The following ANXA11 variants were observed in gnomAD, a reference collection of about 807,000 sequenced individuals.
The protein encoded by ANXA11 is annexin A11, also known as 56 kDa autoantigen.
In ANXA11, 57 loss-of-function variants were observed where a neutral mutation model predicts 64.7. The observed-to-expected ratio is 0.88, with a 90% CI of 0.71 to 1.10. The LOEUF is 1.10. Among genes scored for constraint, ANXA11 ranks in the 50% least tolerant of loss-of-function variants. The probability of loss-of-function intolerance (pLI) is 0.00; values close to 1 mark genes in which losing one functional copy is unlikely to be tolerated. For synonymous variants in ANXA11, 260 were observed against 265.2 expected (o/e 0.98, Z 0.19); for missense variants, 675 against 670.7 (o/e 1.01, Z -0.07).
intron 11 of ANXA11, among the ~76,000 whole-genome samples, chr10:80,162,747 C>T (rs531637008): frequency 6.6e-6 from 1 of 152,314 alleles, no homozygotes; most frequent in East Asian, 1.9e-4. Flanking sequence ...ATGACAAGAG[C>T]AGTGAAGGGA....
chr10:80,159,071 C>T, intron 13 of ANXA11, 29 bp downstream of exon 13: 2 of 1,565,652 alleles, frequency 1.3e-6, no homozygotes, highest in South Asian at 1.1e-5. Context: ...TAGCCCCTGG[C>T]AGGTGGGCGG....
intron 2 of ANXA11, among the ~76,000 whole-genome samples, chr10:80,174,920 G>A (rs945812026): frequency 2.0e-5 from 3 of 152,332 alleles, no homozygotes; most frequent in African/African-American, 7.2e-5. Flanking sequence ...CATAGGGTGG[G>A]CCTGGTTTTC....
intron 8 of ANXA11, 28 bp downstream of exon 8, chr10:80,166,056 A>ATG (rs1845719770): frequency 2.5e-6 from 3 of 1,208,356 alleles, no homozygotes; most frequent in African/African-American, 1.5e-5. Flanking sequence ...ACACACACAC[A>ATG]CACACACACA....
chr10:80,183,140 C>A (rs1364807359), intron 1 of ANXA11, among the ~76,000 whole-genome samples: 1 of 152,226 alleles, frequency 6.6e-6, no homozygotes, highest in Non-Finnish European at 1.5e-5. Flanking sequence ...AGTGGCTAGG[C>A]ACTCGTCCCA....
At chr10:80,196,604 G>A (rs1421558326) in intron 1 of ANXA11, among the ~76,000 whole-genome samples, 2 of 152,166 alleles carry the variant, frequency 1.3e-5, no homozygotes, top group Non-Finnish European at 2.9e-5. Flanking sequence ...TGAGAAGGGG[G>A]TGGGGGCCCT....
intron 1 of ANXA11, among the ~76,000 whole-genome samples, chr10:80,182,138 T>C (rs1432508807): frequency 6.6e-6 from 1 of 150,990 alleles, no homozygotes; most frequent in African/African-American, 2.4e-5. Flanking sequence ...GAGGAAAGAA[T>C]GAATAGGTGG....
At chr10:80,204,963 G>C (rs953955260) in intron 1 of ANXA11, 6 of 152,312 alleles carry the variant, frequency 3.9e-5, no homozygotes, top group African/African-American at 1.4e-4. Context: ...GGGCTCCGCA[G>C]GGCTGCGGGG....
rs1840631694 is a variant in ANXA11 at position 80,205,383 on chromosome 10, G to C, written c.-98C>G. On this transcript the variant is annotated 5_prime_UTR_variant, in exon 1 of 16. Transcript: ENST00000422982. The stretch of plus-strand genomic sequence containing the variant: ...CCGGACGCGAGGGGCGAAATGGGAC[G>C]TGGGCGGGAGTGGCTCTCTCCGCGG... The C allele has an allele frequency of 6.6e-6, 1 of 152,024 alleles. No individual in the cohort carries two copies. The highest frequency in any genetic ancestry group is 1.5e-5 in the Non-Finnish European group (1 of 68,080). The allele number at this position is 152,024 out of a possible 1,614,324, so 9.4% of individuals were successfully genotyped here. A position where few individuals can be genotyped will look rare whatever the true frequency, so the allele number is the denominator to read the frequency against.
At position 80,190,509 on chromosome 10, in the gene ANXA11, G is replaced by A. The variant is rs61860048; in HGVS notation, c.-57-14354C>T. On this transcript the variant is annotated intron_variant, in intron 1 of 15. Transcript: ENST00000422982. ...ATTTTTTTTTTTTTTTTTTTGAGAC[G>A]GAGTCTCGCTCTTTTGCCCAGGCCG... is the stretch of plus-strand genomic sequence containing the variant. Among the ~76,000 whole-genome samples the A allele has an allele frequency of 3.8e-3, 461 of 122,400 alleles. 2 individuals are homozygous for A. The highest frequency in any genetic ancestry group is 6.0e-3 in the Non-Finnish European group (373 of 62,076). 80.3% of individuals were successfully genotyped at this position (122,400 alleles called of 152,430 possible). A position where few individuals can be genotyped will look rare whatever the true frequency, so the allele number is the denominator to read the frequency against.
intron 1 of ANXA11, chr10:80,204,872 G>C (rs1319354553): frequency 1.3e-5 from 2 of 152,254 alleles, no homozygotes; most frequent in Non-Finnish European, 2.9e-5. Context: ...CGTGCTCCCA[G>C]TTTCGGAGGA....
rs533241335 is a variant in ANXA11, at chr10:80,161,397, T to C, written c.1180+538A>G. ...CTCCCTACCTGTTTCCAGCTTGATTTTCCTCTACAGGATTTCCCATCTGAT... is the reference window on the plus strand; with the variant it reads ...CTCCCTACCTGTTTCCAGCTTGATTCTCCTCTACAGGATTTCCCATCTGAT... On this transcript the variant is annotated intron_variant, in intron 12 of 15. Coordinates refer to ENST00000422982, the MANE Select transcript of ANXA11 (RefSeq NM_145868.2). Among the ~76,000 whole-genome samples the C allele has an allele frequency of 1.9e-3, 289 of 152,336 alleles. 1 individual carries two copies. The highest frequency in any genetic ancestry group is 6.6e-3 in the African/African-American group (275 of 41,588).
chr10:80,188,072 C>G (rs1818482392), intron 1 of ANXA11, among the ~76,000 whole-genome samples: 1 of 152,116 alleles, frequency 6.6e-6, no homozygotes, highest in South Asian at 2.1e-4. Flanking sequence ...GCCTCACTGA[C>G]ATTGGCTTTC....
In ANXA11 at chr10:80,166,995, A is replaced by G; in HGVS notation, c.650-11T>C. The G allele has an allele frequency of 6.4e-7, 1 of 1,556,716 alleles. No homozygotes were observed. Among genetic ancestry groups the G allele is most frequent in the Non-Finnish European group, 8.8e-7 (1 of 1,139,434 alleles). On this transcript the variant is annotated splice_polypyrimidine_tract_variant and intron_variant, in intron 6 of 15. Transcript: ENST00000422982. ...CCTGCTCATCCGTCCCTGGAGGAAGAGGCAGCAGGGGTGGGTCGGGTAGGG... is the reference window on the plus strand; with the variant it reads ...CCTGCTCATCCGTCCCTGGAGGAAGGGGCAGCAGGGGTGGGTCGGGTAGGG...
At chr10:80,196,677 G>A (rs865861108) in intron 1 of ANXA11, among the ~76,000 whole-genome samples, 35 of 152,158 alleles carry the variant, frequency 2.3e-4, no homozygotes, top group African/African-American at 7.2e-4. Context: ...TTAAGTCACC[G>A]AAGCCAGCCA....
intron 6 of ANXA11, 72 bp from the exon 7 acceptor site, chr10:80,167,056 C>T: frequency 2.9e-6 from 4 of 1,368,924 alleles, no homozygotes; most frequent in Non-Finnish European, 4.1e-6. Context: ...CTTCCCTGGC[C>T]TGGGCCCCTC....
intron 4 of ANXA11, among the ~76,000 whole-genome samples, chr10:80,169,939 G>A (rs1195057408): frequency 1.3e-5 from 2 of 151,994 alleles, no homozygotes; most frequent in African/African-American, 4.8e-5. Context: ...TCAGGGCACC[G>A]GCATTCCCTA....
intron 2 of ANXA11, among the ~76,000 whole-genome samples, chr10:80,173,497 G>A (rs1444573895): frequency 6.6e-6 from 1 of 152,240 alleles, no homozygotes; most frequent in Non-Finnish European, 1.5e-5. Context: ...AGTAGAGGCT[G>A]CTGATTAAGA....
intron 14 of ANXA11, 61 bp from the exon 15 acceptor site, chr10:80,157,824 G>C: frequency 6.3e-7 from 1 of 1,595,296 alleles, no homozygotes; most frequent in Non-Finnish European, 8.6e-7. Context: ...ACCTGCCCTG[G>C]GCCCTCCAGT....
At chr10:80,200,033 G>A (rs559651612) in intron 1 of ANXA11, among the ~76,000 whole-genome samples, 9 of 152,368 alleles carry the variant, frequency 5.9e-5, no homozygotes, top group African/African-American at 2.2e-4. Flanking sequence ...GAGAGGCAGA[G>A]CAGTCCGCTT....
Sources: allele counts gnomAD v4.1 joint callset (sites outside exome capture counted in the v4.1 genomes callset), GRCh38; gene constraint gnomAD v4.1.1; transcripts MANE v1.5; gene names NCBI Gene and HGNC (gene_info 2026-07-23, HGNC 2026-07-21).